Variants in CACNB2 observed in about 807,000 individuals in gnomAD.
The protein encoded by CACNB2 is calcium voltage-gated channel auxiliary subunit beta 2.
Under a neutral mutation model 73.3 loss-of-function variants are expected in CACNB2, and 42 were observed. That is an observed-to-expected ratio of 0.57 (90% confidence interval 0.45 to 0.74). The LOEUF (loss-of-function observed/expected upper bound fraction) is 0.74, where lower values mean the gene tolerates loss of function less well. Among genes scored for constraint, CACNB2 ranks in the 30% least tolerant of loss-of-function variants. The pLI, the probability that CACNB2 is intolerant of heterozygous loss-of-function variation, is 0.00. For missense variants in CACNB2, 940 were observed against 853.0 expected (o/e 1.10, Z -1.27); for synonymous variants, 348 against 310.3 (o/e 1.12, Z -1.28).
intron 2 of CACNB2, among the ~76,000 whole-genome samples, chr10:18,179,707 G>A (rs902091852): frequency 1.3e-5 from 2 of 151,760 alleles, no homozygotes; most frequent in African/African-American, 4.8e-5. Flanking sequence ...TTGCATACCG[G>A]TTCTTTCCTT....
chr10:18,352,249 A>G (rs1231279763), intron 2 of CACNB2, among the ~76,000 whole-genome samples: 1 of 152,252 alleles, frequency 6.6e-6, no homozygotes, highest in Non-Finnish European at 1.5e-5. Flanking sequence ...ACTTCCACGC[A>G]TCACGTCCCA....
chr10:18,503,568 T>A (rs1425649426), intron 5 of CACNB2, among the ~76,000 whole-genome samples: 1 of 152,156 alleles, frequency 6.6e-6, no homozygotes, highest in African/African-American at 2.4e-5. Flanking sequence ...AACTTGGGCG[T>A]CAGTGAAACT....
intron 2 of CACNB2, among the ~76,000 whole-genome samples, chr10:18,373,138 A>G (rs991156928): frequency 1.3e-5 from 2 of 152,160 alleles, no homozygotes; most frequent in Non-Finnish European, 2.9e-5. Context: ...AAAGACTAGC[A>G]GAACTCACCT....
In CACNB2 at chr10:18,157,772, T is replaced by C. The variant is rs116208825; in HGVS notation, c.213+6797T>C. On this transcript the variant is annotated intron_variant, in intron 2 of 13. Coordinates refer to ENST00000324631, the MANE Select transcript of CACNB2 (RefSeq NM_201596.3). ...GGAAATGAATAAATTATAATAACAA[T>C]TTCATTCTTTCATCTAAGGAAGACA... is the stretch of plus-strand genomic sequence containing the variant. Among the ~76,000 whole-genome samples, 617 of 152,300 alleles carry C rather than the reference T, an allele frequency of 4.1e-3. 9 individuals are homozygous for C. The highest frequency in any genetic ancestry group is 0.013 in the African/African-American group (559 of 41,562).
chr10:18,441,593 T>G (rs1314680463), intron 3 of CACNB2, among the ~76,000 whole-genome samples: 1 of 152,184 alleles, frequency 6.6e-6, no homozygotes, highest in Non-Finnish European at 1.5e-5. Context: ...TTGTATATAC[T>G]TATGATACAT....
chr10:18,327,100 G>C (rs2040616605), intron 2 of CACNB2, among the ~76,000 whole-genome samples: 1 of 151,988 alleles, frequency 6.6e-6, no homozygotes, highest in South Asian at 2.1e-4. Flanking sequence ...AAATTTCCAT[G>C]ATATTAAAGA....
At position 18,212,675 on chromosome 10, in the gene CACNB2, C is replaced by G. The variant is rs2035365320; in HGVS notation, c.213+61700C>G. ...TTTTCTATTTGGATAAGGAATTATT[C>G]CAGGGTCGTTTATAAAATGTTTTTT... On this transcript the variant is annotated intron_variant, in intron 2 of 13. Transcript: ENST00000324631. Among the ~76,000 whole-genome samples the G allele has an allele frequency of 2.6e-5, 4 of 151,958 alleles. No individual in the cohort carries two copies. The South Asian group carries it at 8.3e-4, about 32-fold the overall frequency.
At chr10:18,176,113 A>G (rs1407301898) in intron 2 of CACNB2, among the ~76,000 whole-genome samples, 1 of 152,212 alleles carries the variant, frequency 6.6e-6, no homozygotes, top group Non-Finnish European at 1.5e-5. Flanking sequence ...CTAGTATGCC[A>G]AAGACAGTGG....
chr10:18,442,990 A>G lies in CACNB2; in HGVS notation c.333+40947A>G, dbSNP rs61680103. On this transcript the variant is annotated intron_variant, in intron 3 of 13. Transcript: ENST00000324631. ...TATATGTGTATATATATATATGTAT[A>G]TATATATGTGTATATATATATATGT... Among the ~76,000 whole-genome samples, 9 of 17,402 alleles carry G rather than the reference A, an allele frequency of 5.2e-4. 3 individuals carry two copies. Among genetic ancestry groups the G allele is most frequent in the Non-Finnish European group, 6.4e-4 (7 of 10,942 alleles). 11.4% of individuals were successfully genotyped at this position (17,402 alleles called of 152,430 possible).
At chr10:18,447,819 G>A (rs970587842) in intron 3 of CACNB2, among the ~76,000 whole-genome samples, 1 of 151,868 alleles carries the variant, frequency 6.6e-6, no homozygotes, top group Non-Finnish European at 1.5e-5. Flanking sequence ...GGAAGAACAA[G>A]ATTCAGATTT....
intron 2 of CACNB2, among the ~76,000 whole-genome samples, chr10:18,205,642 A>G (rs1289122710): frequency 1.3e-5 from 2 of 152,190 alleles, no homozygotes; most frequent in Non-Finnish European, 2.9e-5. Flanking sequence ...TATGAATGAA[A>G]TCTGATCTCC....
intron 2 of CACNB2, among the ~76,000 whole-genome samples, chr10:18,196,293 C>CCTT (rs2034620613): frequency 1.5e-5 from 2 of 136,748 alleles, no homozygotes. Context: ...ACCAACAAAA[C>CCTT]TTTTTTTTTT....
intron 3 of CACNB2, among the ~76,000 whole-genome samples, chr10:18,489,914 G>C (rs1251951308): frequency 1.3e-5 from 2 of 152,124 alleles, no homozygotes; most frequent in Non-Finnish European, 2.9e-5. Flanking sequence ...GTCTCTCTCT[G>C]TTGCCCAGGC....
intron 2 of CACNB2, among the ~76,000 whole-genome samples, chr10:18,395,104 A>G (rs1269987079): frequency 6.6e-6 from 1 of 152,198 alleles, no homozygotes; most frequent in Non-Finnish European, 1.5e-5. Context: ...AGAGTGAGAG[A>G]AAAAGAGAAG....
At chr10:18,454,680 T>C (rs1300865153) in intron 3 of CACNB2, among the ~76,000 whole-genome samples, 1 of 152,198 alleles carries the variant, frequency 6.6e-6, no homozygotes. Context: ...TGTGTAGTAT[T>C]TCAAAAGCAC....
chr10:18,380,524 G>T (rs1001046082), intron 2 of CACNB2, among the ~76,000 whole-genome samples: 1 of 140,862 alleles, frequency 7.1e-6, no homozygotes, highest in African/African-American at 2.7e-5. Context: ...GTGCAATCTC[G>T]GTTCACTGTA....
intron 1 of CACNB2, 57 bp downstream of exon 1, chr10:18,140,913 C>T: frequency 2.6e-6 from 4 of 1,552,168 alleles, no homozygotes; most frequent in East Asian, 2.4e-5. Context: ...AGGGCACCGA[C>T]CTCGGGTTCT....
At chr10:18,313,136 G>A (rs577442902) in intron 2 of CACNB2, among the ~76,000 whole-genome samples, 18 of 151,906 alleles carry the variant, frequency 1.2e-4, no homozygotes, top group South Asian at 4.2e-4. Context: ...TTCATCGTTA[G>A]ATGAGAAAGA....
At chr10:18,243,751 C>A (rs1000488139) in intron 2 of CACNB2, among the ~76,000 whole-genome samples, 4 of 152,266 alleles carry the variant, frequency 2.6e-5, no homozygotes, top group Admixed American at 2.6e-4. Context: ...CACACCTGAT[C>A]CCCTTCCGGC....
Sources: allele counts gnomAD v4.1 joint callset (sites outside exome capture counted in the v4.1 genomes callset), GRCh38; gene constraint gnomAD v4.1.1; transcripts MANE v1.5; gene names NCBI Gene and HGNC (gene_info 2026-07-23, HGNC 2026-07-21).